CALN1: variants seen among roughly 807,000 people sequenced by gnomAD.
CALN1 encodes calneuron 1.
A neutral mutation model predicts 30.6 loss-of-function variants in CALN1; 17 were observed. The observed-to-expected ratio is 0.56, with a 90% CI of 0.38 to 0.83. The LOEUF is 0.83. CALN1 is among the 40% of genes least tolerant of loss of function. The pLI is 0.00. For missense variants in CALN1, 291 were observed against 354.9 expected, an observed-to-expected ratio of 0.82 and a Z score of 1.45; for synonymous variants, 156 against 131.4, an observed-to-expected ratio of 1.19 and a Z score of -1.28.
intron 3 of CALN1, among the ~76,000 whole-genome samples, chr7:72,186,885 C>CTTTTTTTTTTTTTTTTTTTTT (rs34604151): frequency 1.6e-5 from 1 of 61,296 alleles, no homozygotes; most frequent in African/African-American, 6.0e-5. Context: ...GAGTGCAGAG[C>CTTTTTTTTTTTTTTTTTTTTT]TTTTTTTTTT....
At chr7:72,187,143 C>T (rs1790263875) in intron 3 of CALN1, among the ~76,000 whole-genome samples, 2 of 152,018 alleles carry the variant, frequency 1.3e-5, no homozygotes, top group Non-Finnish European at 2.9e-5. Flanking sequence ...GTAACCATTA[C>T]TATTATTATG....
At chr7:72,038,373 A>G (rs1801928633) in intron 4 of CALN1, among the ~76,000 whole-genome samples, 1 of 144,680 alleles carries the variant, frequency 6.9e-6, no homozygotes, top group Admixed American at 7.0e-5. Flanking sequence ...CCTAGTATCT[A>G]TTTTTTTTTT....
chr7:71,801,428 G>GTATGTATGTATCTATC lies in CALN1; in HGVS notation c.658+8907_658+8908insGATAGATACATACATA, dbSNP rs1461292230. Among the ~76,000 whole-genome samples, 303 of 87,706 alleles carry GTATGTATGTATCTATC rather than the reference G, an allele frequency of 3.5e-3. 1 individual carries two copies. Among genetic ancestry groups the GTATGTATGTATCTATC allele is most frequent in the East Asian group, 4.3e-3 (12 of 2,800 alleles). 57.5% of individuals were successfully genotyped at this position (87,706 alleles called of 152,430 possible). ...TGTATGTATGTATGTATGTATGTATGTATCTATCTATCTATCTATCTATCT... is the reference window on the plus strand; with the variant it reads ...TGTATGTATGTATGTATGTATGTATGTATGTATGTATCTATCTATCTATCTATCTATCTATCTATCT... On this transcript the variant is annotated intron_variant, in intron 6 of 6. Transcript: ENST00000395275.
At chr7:72,249,489 T>C (rs1434816560) in intron 3 of CALN1, among the ~76,000 whole-genome samples, 1 of 148,086 alleles carries the variant, frequency 6.8e-6, no homozygotes, top group Admixed American at 6.7e-5. Context: ...CCCAGATCTA[T>C]CCACAGGATC....
chr7:72,250,742 C>T (rs561601662), intron 3 of CALN1, among the ~76,000 whole-genome samples: 32 of 152,204 alleles, frequency 2.1e-4, no homozygotes, highest in Non-Finnish European at 4.0e-4. Flanking sequence ...GTGATGCCCA[C>T]TCCCCTTCCT....
chr7:72,487,791 AAGAAAGAAAGG>A, the CALN1 span, among the ~76,000 whole-genome samples: 2 of 132,446 alleles, frequency 1.5e-5, no homozygotes, highest in South Asian at 2.5e-4. Context: ...AGAAAGAAAG[AAGAAAGAAAGG>A]AGAAAGAGAG....
At chr7:72,164,362 AAAAAAAG>A (rs1240416086) in intron 3 of CALN1, among the ~76,000 whole-genome samples, 13 of 149,052 alleles carry the variant, frequency 8.7e-5, no homozygotes, top group Non-Finnish European at 1.1e-4. Flanking sequence ...AAAAAAAAAA[AAAAAAAG>A]AAGAAGAAGA....
intron 2 of CALN1, among the ~76,000 whole-genome samples, chr7:72,320,332 G>C (rs748914272): frequency 1.2e-4 from 18 of 152,276 alleles, no homozygotes; most frequent in Non-Finnish European, 1.6e-4. Context: ...AGGAAATCCA[G>C]TCCAGTGAGT....
At position 72,217,723 on chromosome 7, in the gene CALN1, A is replaced by C. The variant is rs559809441; in HGVS notation, c.244+60963T>G. 2.0e-5 allele frequency among the ~76,000 whole-genome samples: 3 copies of C among 151,994 alleles called. No individual in the cohort carries two copies. In the South Asian group the frequency reaches 6.2e-4, roughly 32 times the overall value. On this transcript the variant is annotated intron_variant, in intron 3 of 6. Transcript: ENST00000395275. ...CTGGGTGTGGTGGCTCACACCTATA[A>C]TCCTAATGCTATGGGAGGCTTAGGT...
At chr7:71,934,858 G>C (rs1004743181) in intron 5 of CALN1, among the ~76,000 whole-genome samples, 3 of 152,198 alleles carry the variant, frequency 2.0e-5, no homozygotes, top group Non-Finnish European at 2.9e-5. Context: ...CATATTACAT[G>C]GTGGCAGAGA....
At chr7:72,322,194 G>T (rs1562884772) in intron 2 of CALN1, among the ~76,000 whole-genome samples, 1 of 152,196 alleles carries the variant, frequency 6.6e-6, no homozygotes, top group Non-Finnish European at 1.5e-5. Flanking sequence ...GATAGTGACA[G>T]ATCATCAGGC....
intron 5 of CALN1, among the ~76,000 whole-genome samples, chr7:71,956,509 CAGAG>C (rs1305051695): frequency 7.7e-6 from 1 of 129,460 alleles, no homozygotes; most frequent in Non-Finnish European, 1.6e-5. Flanking sequence ...TTTTTTTAAA[CAGAG>C]GGAGGGTGTC....
rs7783719 is a variant in CALN1 at position 71,807,839 on chromosome 7, G to T, written c.658+2497C>A. 9.5e-3 allele frequency among the ~76,000 whole-genome samples: 1,449 copies of T among 152,242 alleles called. 10 individuals are homozygous for T. Among genetic ancestry groups the T allele is most frequent in the Non-Finnish European group, 0.016 (1,111 of 68,022 alleles). On this transcript the variant is annotated intron_variant, in intron 6 of 6. Transcript: ENST00000395275. ...GCCTGTAATCCCAGCATTTTGGGAG[G>T]CCGAGGTGGGCGGATTACGAGGTCA...
At chr7:71,974,328 G>C (rs1339164322) in intron 5 of CALN1, among the ~76,000 whole-genome samples, 2 of 138,942 alleles carry the variant, frequency 1.4e-5, no homozygotes, top group African/African-American at 5.2e-5. Flanking sequence ...TGAGGCAGGA[G>C]AATTGCTTGA....
chr7:72,402,890 CAT>C (rs977848100), intron 2 of CALN1, among the ~76,000 whole-genome samples: 32 of 152,304 alleles, frequency 2.1e-4, no homozygotes, highest in African/African-American at 7.5e-4. Context: ...ACAATACCCT[CAT>C]AAAATTATTT....
chr7:72,292,380 G>C (rs558783069), intron 2 of CALN1, among the ~76,000 whole-genome samples: 2 of 150,846 alleles, frequency 1.3e-5, no homozygotes, highest in Non-Finnish European at 3.0e-5. Flanking sequence ...GAGGACATTC[G>C]TGAGGATTCC....
intron 4 of CALN1, among the ~76,000 whole-genome samples, chr7:72,074,536 T>C (rs1804606834): frequency 1.3e-5 from 2 of 152,138 alleles, no homozygotes; most frequent in South Asian, 4.1e-4. Context: ...GCCTCCTGAG[T>C]AGCTGGGATT....
intron 1 of CALN1, among the ~76,000 whole-genome samples, chr7:72,419,416 C>T (rs1807537833): frequency 1.3e-5 from 2 of 152,228 alleles, no homozygotes; most frequent in African/African-American, 2.4e-5. Context: ...CATTTGGCTG[C>T]CGTATTTTCC....
At chr7:72,404,957 A>T (rs1246157896) in intron 1 of CALN1, among the ~76,000 whole-genome samples, 2 of 152,184 alleles carry the variant, frequency 1.3e-5, no homozygotes, top group East Asian at 3.9e-4. Context: ...CAGACACATA[A>T]ACCAACTAGA....
Sources: gnomAD v4.1 joint callset for allele counts (sites outside exome capture counted in the v4.1 genomes callset) on GRCh38, gnomAD v4.1.1 for gene constraint, MANE v1.5 for transcripts, NCBI Gene and HGNC (gene_info 2026-07-23, HGNC 2026-07-21) for gene names.